The following B3GALT1 variants were observed in gnomAD, a reference collection of about 807,000 sequenced individuals.
B3GALT1 encodes the protein UDP-Gal:betaGlcNAc beta 1,3-galactosyltransferase, polypeptide 1.
Under a neutral mutation model 23.2 loss-of-function variants are expected in B3GALT1, and 10 were observed. That is an observed-to-expected ratio of 0.43 (90% CI 0.27 to 0.73). B3GALT1 has a LOEUF of 0.73. Ranked by LOEUF, B3GALT1 falls within the 30% of genes least tolerant of loss-of-function variation. The pLI is 0.21. For missense variants in B3GALT1, 299 were observed against 405.4 expected, an observed-to-expected ratio of 0.74 and a Z score of 2.25; for synonymous variants, 156 against 141.5, an observed-to-expected ratio of 1.10 and a Z score of -0.73.
chr2:167,702,966 A>T (rs963424370), intron 3 of B3GALT1, among the ~76,000 whole-genome samples: 10 of 152,208 alleles, frequency 6.6e-5, no homozygotes, highest in African/African-American at 2.2e-4. Context: ...TTTAGATCCC[A>T]GTCACTCATG....
intron 1 of B3GALT1, among the ~76,000 whole-genome samples, chr2:167,462,433 C>T (rs867771264): frequency 9.2e-5 from 14 of 152,110 alleles, no homozygotes; most frequent in Admixed American, 2.6e-4. Flanking sequence ...ATGTAATAAA[C>T]GATTTCAAGA....
intron 1 of B3GALT1, among the ~76,000 whole-genome samples, chr2:167,462,583 G>A (rs944446155): frequency 3.9e-5 from 6 of 151,938 alleles, no homozygotes; most frequent in East Asian, 1.9e-4. Context: ...TAGTATACCC[G>A]ATGAATTGGA....
intron 2 of B3GALT1, among the ~76,000 whole-genome samples, chr2:167,543,687 A>G (rs1227125): frequency 0.021 from 3,183 of 152,236 alleles, 114 homozygotes; most frequent in African/African-American, 0.072. Context: ...AAATAGGGGG[A>G]AAAAGTAGCA....
intron 3 of B3GALT1, among the ~76,000 whole-genome samples, chr2:167,763,853 G>T (rs945038623): frequency 6.6e-6 from 1 of 152,052 alleles, no homozygotes; most frequent in Non-Finnish European, 1.5e-5. Context: ...AGGAAAACAT[G>T]GCCTACAAGC....
At chr2:167,574,237 G>A (rs561975186) in intron 2 of B3GALT1, among the ~76,000 whole-genome samples, 4 of 151,788 alleles carry the variant, frequency 2.6e-5, no homozygotes, top group South Asian at 4.2e-4. Flanking sequence ...TCAAAAAGGA[G>A]CAGAGAGGTC....
intron 1 of B3GALT1, among the ~76,000 whole-genome samples, chr2:167,391,671 T>C (rs1351268841): frequency 6.6e-6 from 1 of 152,184 alleles, no homozygotes; most frequent in African/African-American, 2.4e-5. Context: ...AGCATTCTCC[T>C]CTCAACTGTC....
At chr2:167,852,507 C>T (rs538463940) in intron 4 of B3GALT1, among the ~76,000 whole-genome samples, 13 of 123,374 alleles carry the variant, frequency 1.1e-4, no homozygotes, top group South Asian at 2.7e-4. Context: ...TGTGTGTGTA[C>T]GTGCTTATCA....
intron 3 of B3GALT1, among the ~76,000 whole-genome samples, chr2:167,725,363 T>G (rs544463558): frequency 7.2e-5 from 11 of 152,192 alleles, no homozygotes; most frequent in Non-Finnish European, 1.6e-4. Context: ...TTGTGTGTGG[T>G]CCTGGAAGTG....
chr2:167,335,734 T>C (rs887379172), intron 1 of B3GALT1, among the ~76,000 whole-genome samples: 1 of 152,226 alleles, frequency 6.6e-6, no homozygotes, highest in Non-Finnish European at 1.5e-5. Flanking sequence ...GAGTTCACTT[T>C]CGTTGCCTTG....
intron 2 of B3GALT1, among the ~76,000 whole-genome samples, chr2:167,643,311 A>G (rs1685687935): frequency 6.6e-6 from 1 of 152,184 alleles, no homozygotes; most frequent in Non-Finnish European, 1.5e-5. Flanking sequence ...GAAATTGATC[A>G]TGTTATAAGT....
At chr2:167,495,204 G>A (rs141523835) in intron 2 of B3GALT1, among the ~76,000 whole-genome samples, 130 of 151,992 alleles carry the variant, frequency 8.6e-4, no homozygotes, top group African/African-American at 2.8e-3. Context: ...GAAACCAAAA[G>A]CTTCATCATC....
Position 167,370,708 on chromosome 2 carries a change from C to T in B3GALT1, c.-511+77374C>T, listed in dbSNP as rs767349840. Among the ~76,000 whole-genome samples the T allele has an allele frequency of 6.6e-5, 10 of 152,054 alleles. No homozygotes were observed. In the South Asian group the frequency reaches 1.0e-3, roughly 16 times the overall value. On this transcript the variant is annotated intron_variant, in intron 1 of 4. Coordinates refer to ENST00000392690, the MANE Select transcript of B3GALT1 (RefSeq NM_020981.4). ...TTAGTAGGCCGAGGTGGGTGGATCA[C>T]GAGGTCAGGTGTTCGAGACCTGTCT...
intron 3 of B3GALT1, among the ~76,000 whole-genome samples, chr2:167,667,530 A>G (rs931310798): frequency 2.6e-5 from 4 of 152,134 alleles, no homozygotes; most frequent in Admixed American, 2.6e-4. Flanking sequence ...CTCCTGGATA[A>G]TATCCTGCAG....
intron 1 of B3GALT1, among the ~76,000 whole-genome samples, chr2:167,396,570 T>C (rs1164041514): frequency 1.3e-5 from 2 of 149,886 alleles, no homozygotes; most frequent in South Asian, 2.1e-4. Context: ...GTGTGTTTAA[T>C]TTTAAACATT....
At chr2:167,678,053 G>C (rs1686459522) in intron 3 of B3GALT1, among the ~76,000 whole-genome samples, 1 of 152,108 alleles carries the variant, frequency 6.6e-6, no homozygotes, top group Admixed American at 6.5e-5. Flanking sequence ...TTCAATATGA[G>C]ATTTTGGATG....
At chr2:167,468,334 CAT>C (rs1168460184) in intron 1 of B3GALT1, among the ~76,000 whole-genome samples, 1 of 151,986 alleles carries the variant, frequency 6.6e-6, no homozygotes, top group Non-Finnish European at 1.5e-5. Context: ...TTTCTCGTAA[CAT>C]AAATATAAAA....
intron 3 of B3GALT1, among the ~76,000 whole-genome samples, chr2:167,669,249 A>G (rs970695318): frequency 3.3e-5 from 5 of 152,206 alleles, no homozygotes; most frequent in African/African-American, 7.2e-5. Flanking sequence ...TGGTTCCATA[A>G]TAAGTTTCAG....
chr2:167,853,555 G>A (rs2105420076), intron 4 of B3GALT1, among the ~76,000 whole-genome samples: 1 of 151,980 alleles, frequency 6.6e-6, no homozygotes, highest in East Asian at 1.9e-4. Context: ...ATTTTCATTT[G>A]TATATTTATT....
chr2:167,692,923 A>C (rs1435290136), intron 3 of B3GALT1, among the ~76,000 whole-genome samples: 2 of 152,188 alleles, frequency 1.3e-5, no homozygotes, highest in Non-Finnish European at 2.9e-5. Flanking sequence ...AGTTCCCCAG[A>C]TATGCAATTC....
Sources: allele counts gnomAD v4.1 joint callset (sites outside exome capture counted in the v4.1 genomes callset), GRCh38; gene constraint gnomAD v4.1.1; transcripts MANE v1.5; gene names NCBI Gene and HGNC (gene_info 2026-07-23, HGNC 2026-07-21).